TYW1: variants seen among roughly 807,000 people sequenced by gnomAD.
The protein encoded by TYW1 is tRNA-yW synthesizing protein 1 homolog.
TYW1 carries 46 observed loss-of-function variants against 96.2 expected under a neutral mutation model. That is an observed-to-expected ratio of 0.48 (90% confidence interval 0.38 to 0.61). TYW1 has a LOEUF of 0.61. Ranked by LOEUF, TYW1 falls within the 20% of genes least tolerant of loss-of-function variation. TYW1 has a pLI of 0.00. For missense variants in TYW1, 684 were observed against 909.6 expected, an observed-to-expected ratio of 0.75 and a Z score of 3.19; for synonymous variants, 274 against 323.0, an observed-to-expected ratio of 0.85 and a Z score of 1.63.
At chr7:67,091,013 T>A (rs1459205828) in intron 11 of TYW1, among the ~76,000 whole-genome samples, 2 of 152,146 alleles carry the variant, frequency 1.3e-5, no homozygotes, top group African/African-American at 4.8e-5. Flanking sequence ...TGGCGATTCC[T>A]CAAGGATCTA....
intron 6 of TYW1, among the ~76,000 whole-genome samples, chr7:67,023,254 G>A (rs549145362): frequency 1.3e-5 from 2 of 151,848 alleles, no homozygotes; most frequent in East Asian, 2.0e-4. Context: ...ATGCCACCAC[G>A]CTCGGCTAAT....
At chr7:67,028,122 C>T (rs563190101) in intron 7 of TYW1, among the ~76,000 whole-genome samples, 1 of 151,156 alleles carries the variant, frequency 6.6e-6, no homozygotes, top group South Asian at 2.1e-4. Flanking sequence ...ATCTGTAGTC[C>T]CAGCTACTTG....
At chr7:67,233,200 T>C (rs551163903) in intron 15 of TYW1, among the ~76,000 whole-genome samples, 2 of 125,150 alleles carry the variant, frequency 1.6e-5, no homozygotes, top group East Asian at 4.1e-4. Flanking sequence ...TATTTTTATG[T>C]TATATATCTT....
chr7:67,127,565 A>G (rs1218261790), intron 13 of TYW1, among the ~76,000 whole-genome samples: 4 of 152,136 alleles, frequency 2.6e-5, no homozygotes, highest in Non-Finnish European at 4.4e-5. Context: ...TATTGTTGCT[A>G]TCTTATTATT....
chr7:67,181,167 C>G (rs1423049475), intron 13 of TYW1, among the ~76,000 whole-genome samples: 3 of 152,168 alleles, frequency 2.0e-5, no homozygotes, highest in Non-Finnish European at 1.5e-5. Context: ...TGTTGAACTA[C>G]TAGTATAATG....
intron 3 of TYW1, among the ~76,000 whole-genome samples, chr7:67,007,663 C>T (rs1793647511): frequency 1.3e-5 from 2 of 152,108 alleles, no homozygotes; most frequent in Admixed American, 1.3e-4. Flanking sequence ...GATGGAGTCT[C>T]GCTCTGTCGT....
At chr7:67,180,406 T>TTTA (rs1799800297) in intron 13 of TYW1, among the ~76,000 whole-genome samples, 1 of 62,736 alleles carries the variant, frequency 1.6e-5, no homozygotes, top group African/African-American at 1.0e-4. Context: ...ATATATATAT[T>TTTA]TATATATATA....
chr7:67,192,407 A>T (rs1326056765), intron 14 of TYW1, among the ~76,000 whole-genome samples: 2 of 152,230 alleles, frequency 1.3e-5, no homozygotes, highest in Non-Finnish European at 2.9e-5. Flanking sequence ...TGTTCTCACG[A>T]AGACAAGATT....
chr7:67,214,868 A>G (rs1312066238), intron 15 of TYW1, among the ~76,000 whole-genome samples: 1 of 151,404 alleles, frequency 6.6e-6, no homozygotes, highest in Non-Finnish European at 1.5e-5. Context: ...TGGTCATGGC[A>G]TATAATTCTT....
intron 7 of TYW1, among the ~76,000 whole-genome samples, chr7:67,042,623 A>G (rs982666001): frequency 2.0e-5 from 3 of 152,152 alleles, no homozygotes; most frequent in Non-Finnish European, 4.4e-5. Context: ...TCCTGAAGGC[A>G]GTGGGAGGCA....
intron 13 of TYW1, among the ~76,000 whole-genome samples, chr7:67,157,993 T>A (rs1432649450): frequency 6.6e-6 from 1 of 152,172 alleles, no homozygotes; most frequent in Admixed American, 6.6e-5. Flanking sequence ...TGCACTTTCT[T>A]ACTATTAAGT....
rs1793894132 is a variant in TYW1 at position 67,013,583 on chromosome 7, T to A, written c.376-784T>A. The stretch of plus-strand genomic sequence containing the variant: ...TGGGTAAGCAAGGTCACCACATTCC[T>A]TGTCTTTCTGACACCACAGAGCAGC... On this transcript the variant is annotated intron_variant, in intron 4 of 15. Coordinates refer to ENST00000359626, the MANE Select transcript of TYW1 (RefSeq NM_018264.4). Among the ~76,000 whole-genome samples the A allele has an allele frequency of 2.0e-5, 3 of 152,092 alleles. No individual in the cohort carries two copies. The South Asian group carries it at 6.2e-4, about 32-fold the overall frequency.
At chr7:67,029,371 ATG>A (rs1298322813) in intron 7 of TYW1, among the ~76,000 whole-genome samples, 118 of 134,388 alleles carry the variant, frequency 8.8e-4, no homozygotes, top group African/African-American at 2.8e-3. Flanking sequence ...TTAGTTAAAT[ATG>A]TGTGTGTGCG....
rs1797933365 is a variant in TYW1, at chr7:67,127,108, A to T, written c.1698+9490A>T. On this transcript the variant is annotated intron_variant, in intron 13 of 15. Transcript: ENST00000359626. ...AGTAATTGAAGTCCATTTTCAAAGA[A>T]CACTATATTCCTTCCTGAGTAGGAC... Among the ~76,000 whole-genome samples the T allele has an allele frequency of 5.9e-5, 9 of 152,000 alleles. No individual in the cohort carries two copies. In the South Asian group the frequency reaches 1.9e-3, roughly 32 times the overall value.
At chr7:67,147,592 A>T (rs1798648863) in intron 13 of TYW1, among the ~76,000 whole-genome samples, 1 of 152,034 alleles carries the variant, frequency 6.6e-6, no homozygotes, top group Non-Finnish European at 1.5e-5. Context: ...CCACTCTGTG[A>T]TAGGCCCCAG....
At chr7:67,013,698 A>G (rs928625055) in intron 4 of TYW1, among the ~76,000 whole-genome samples, 2 of 145,388 alleles carry the variant, frequency 1.4e-5, no homozygotes, top group African/African-American at 5.1e-5. Flanking sequence ...GTGTTCTTCC[A>G]TTAGTAGCCA....
chr7:67,156,312 G>C (rs112229328), intron 13 of TYW1, among the ~76,000 whole-genome samples: 2,823 of 152,356 alleles, frequency 0.019, 78 homozygotes, highest in African/African-American at 0.064. Flanking sequence ...GAGACACGCA[G>C]GTGGTGACAG....
At chr7:67,118,014 G>C (rs1184886419) in intron 13 of TYW1, among the ~76,000 whole-genome samples, 1 of 152,160 alleles carries the variant, frequency 6.6e-6, no homozygotes, top group Non-Finnish European at 1.5e-5. Flanking sequence ...ATCCACAGAT[G>C]CTCAAGTTTA....
intron 7 of TYW1, among the ~76,000 whole-genome samples, chr7:67,036,073 C>G (rs952518349): frequency 1.4e-5 from 2 of 143,132 alleles, no homozygotes; most frequent in African/African-American, 5.1e-5. Context: ...TAGCATCAGT[C>G]TTTAATGCTG....
Sources: allele counts gnomAD v4.1 joint callset (sites outside exome capture counted in the v4.1 genomes callset), GRCh38; gene constraint gnomAD v4.1.1; transcripts MANE v1.5; gene names NCBI Gene and HGNC (gene_info 2026-07-23, HGNC 2026-07-21).